RALGAPA1: variants seen among roughly 807,000 people sequenced by gnomAD.
The protein encoded by RALGAPA1 is ral GTPase-activating protein subunit alpha-1.
In RALGAPA1, 52 loss-of-function variants were observed where a neutral mutation model predicts 269.6. The observed-to-expected ratio is 0.19, with a 90% CI of 0.15 to 0.24. The LOEUF (loss-of-function observed/expected upper bound fraction) is 0.24. RALGAPA1 is among the 10% of genes least tolerant of loss of function. RALGAPA1 has a pLI of 1.00. For synonymous variants in RALGAPA1, 817 were observed against 1,008.3 expected (o/e 0.81, Z 3.60); for missense variants, 1,917 against 3,013.9 (o/e 0.64, Z 8.52).
intron 37 of RALGAPA1, among the ~76,000 whole-genome samples, chr14:35,577,429 A>ATT (rs2057648947): frequency 6.6e-6 from 1 of 152,134 alleles, no homozygotes; most frequent in East Asian, 1.9e-4. Context: ...CTCTTCTGCT[A>ATT]TTATATATAA....
intron 39 of RALGAPA1, among the ~76,000 whole-genome samples, chr14:35,559,462 C>T (rs1023301541): frequency 6.6e-6 from 1 of 151,788 alleles, no homozygotes; most frequent in African/African-American, 2.4e-5. Flanking sequence ...AGTGCACAGT[C>T]ATCACAAACT....
chr14:35,628,092 C>T, intron 33 of RALGAPA1, 141 bp from the exon 34 acceptor site: 1 of 989,188 alleles, frequency 1.0e-6, no homozygotes. Flanking sequence ...GTAATGATGG[C>T]AAAAAAGGAG....
At chr14:35,710,141 C>T (rs546317195) in intron 16 of RALGAPA1, among the ~76,000 whole-genome samples, 2 of 152,328 alleles carry the variant, frequency 1.3e-5, no homozygotes, top group Non-Finnish European at 2.9e-5. Context: ...AATATCCAAC[C>T]ACAGTACCAC....
chr14:35,690,068 C>A (rs1481753948), intron 17 of RALGAPA1, 65 bp from the exon 18 acceptor site: 3 of 1,170,804 alleles, frequency 2.6e-6, no homozygotes, highest in South Asian at 1.5e-5. Context: ...TTATTAATTT[C>A]AATAATGCTC....
rs766808908 is a variant in RALGAPA1, at chr14:35,748,657, G to A, written c.1179C>T (p.Asp393=). Residue 393 remains aspartate, a synonymous_variant, in exon 10 of 42, where the codon GAC becomes GAT. Transcript: ENST00000680220. ...AAAAAACTCTGCGAACTATTTCAAT[G>A]TCTGTGAGATGTTCTTCATCAATAC... ...LCSIDEEHLT[D]IEIVRRVFSS... is the part of the protein sequence containing the mutation. 8 of 1,612,316 alleles carry A rather than the reference G, an allele frequency of 5.0e-6. No individual in the cohort carries two copies. The highest frequency in any genetic ancestry group is 6.8e-6 in the Non-Finnish European group (8 of 1,179,424).
chr14:35,633,236 C>T (rs1440587299), intron 33 of RALGAPA1, among the ~76,000 whole-genome samples: 1 of 152,070 alleles, frequency 6.6e-6, no homozygotes, highest in East Asian at 1.9e-4. Flanking sequence ...CTTAAATGTG[C>T]AAAGGTCAAC....
intron 1 of RALGAPA1, among the ~76,000 whole-genome samples, chr14:35,777,666 G>A (rs868014505): frequency 1.1e-4 from 17 of 152,052 alleles, no homozygotes; most frequent in Non-Finnish European, 7.4e-5. Context: ...GGGTTCAAGC[G>A]ATTCTCCTGC....
chr14:35,566,279 G>A (rs1437948977), intron 39 of RALGAPA1, among the ~76,000 whole-genome samples: 1 of 152,148 alleles, frequency 6.6e-6, no homozygotes, highest in Non-Finnish European at 1.5e-5. Flanking sequence ...AATTCTGGCT[G>A]CTGGTATGAT....
chr14:35,726,284 C>T (rs959805703), intron 13 of RALGAPA1, among the ~76,000 whole-genome samples: 5 of 152,144 alleles, frequency 3.3e-5, no homozygotes, highest in Admixed American at 6.5e-5. Flanking sequence ...CATTTATTCA[C>T]GGAATAAAAA....
In RALGAPA1 at chr14:35,605,566, G is replaced by A. The variant is rs371580354; in HGVS notation, c.7053+20C>T. 1.0e-5 allele frequency: 16 copies of A among 1,558,110 alleles called. No homozygotes were observed. The highest frequency in any genetic ancestry group is 8.4e-5 in the African/African-American group (6 of 71,622). On this transcript the variant is annotated intron_variant, in intron 36 of 41. Transcript: ENST00000680220. ...TTATGCTTCCAAATATAAATATTTC[G>A]TATAATTTAAAAATAATACCTCCCA...
intron 1 of RALGAPA1, among the ~76,000 whole-genome samples, chr14:35,792,054 G>T (rs1021188619): frequency 1.3e-5 from 2 of 151,998 alleles, no homozygotes; most frequent in Non-Finnish European, 2.9e-5. Context: ...GAAAAGGGAG[G>T]CTAGGATCAG....
Position 35,689,814 on chromosome 14 carries a change from C to G in RALGAPA1, c.2597G>C (p.Ser866Thr), listed in dbSNP as rs770943320. The G allele has an allele frequency of 1.3e-6, 2 of 1,569,628 alleles. No individual in the cohort carries two copies. Among genetic ancestry groups the G allele is most frequent in the East Asian group, 2.4e-5 (1 of 41,876 alleles). The change falls in exon 18 of 42, where the codon AGT (serine) becomes ACT (threonine). Residue 866 changes from serine to threonine, a missense_variant. By Grantham distance (58) the Ser-to-Thr change is moderately conservative (BLOSUM62 1). Transcript: ENST00000680220. Reference protein sequence around the residue: ...RAKGAVPVIDSSSRHAPSLQS... With the variant: ...RAKGAVPVIDTSSRHAPSLQS... ...CAAGCTTGGTGCATGACGGGATGAA[C>G]TGTCAATGACAGGAACTGCACCTTT...
intron 16 of RALGAPA1, among the ~76,000 whole-genome samples, chr14:35,714,921 G>A (rs1162189708): frequency 6.6e-6 from 1 of 152,132 alleles, no homozygotes; most frequent in African/African-American, 2.4e-5. Flanking sequence ...ATGCTGTTCA[G>A]TCTTCCATTG....
chr14:35,695,758 T>G (rs567141939), intron 17 of RALGAPA1, among the ~76,000 whole-genome samples: 1 of 152,370 alleles, frequency 6.6e-6, no homozygotes, highest in African/African-American at 2.4e-5. Flanking sequence ...ACTAAAGTGT[T>G]ACTTTTGGCA....
chr14:35,561,251 A>AAAAAAAAAAAAAAT (rs1555356922), intron 39 of RALGAPA1, among the ~76,000 whole-genome samples: 1 of 130,266 alleles, frequency 7.7e-6, no homozygotes, highest in Non-Finnish European at 1.6e-5. Context: ...AAAAAAAAAA[A>AAAAAAAAAAAAAAT]ATACAGTAAC....
intron 1 of RALGAPA1, 106 bp from the exon 2 acceptor site, chr14:35,775,851 T>C (rs534129448): frequency 1.8e-6 from 2 of 1,100,482 alleles, no homozygotes; most frequent in Non-Finnish European, 2.4e-6. Context: ...GCTCCTAAAA[T>C]TCTATTCTAT....
Position 35,688,752 on chromosome 14 carries a change from G to C in RALGAPA1, c.3659C>G (p.Thr1220Ser), listed in dbSNP as rs753418092. The change falls in exon 18 of 42, where the codon ACT becomes AGT. Residue 1220 changes from threonine (T) to serine (S), a missense_variant. This residue lies in a region of RALGAPA1 where 615 missense variants were observed against 790.0 expected (regional missense o/e 0.78). Transcript: ENST00000680220. ...GVYRPLDTLG[T>S]ASVSSKTVKE... ...CACTGTTTTGCTGCTTACTGATGCA[G>C]TACCAAGTGTATCTAGAGGTCTGTA... 3 of 1,457,700 alleles carry C rather than the reference G, an allele frequency of 2.1e-6. No homozygotes were observed. 90.3% of individuals were successfully genotyped at this position (1,457,700 alleles called of 1,614,324 possible). A position where few individuals can be genotyped will look rare whatever the true frequency, so the allele number is the denominator to read the frequency against.
In RALGAPA1 at chr14:35,689,377, T is replaced by C; in HGVS notation, c.3034A>G (p.Asn1012Asp). 8.1e-7 allele frequency: 1 copy of C among 1,232,288 alleles called. No homozygotes were observed. Among genetic ancestry groups the C allele is most frequent in the Non-Finnish European group, 1.0e-6 (1 of 988,096 alleles). 76.3% of individuals were successfully genotyped at this position (1,232,288 alleles called of 1,614,324 possible). ...ATATTACTCATGAAGACAGCTGAGT[T>C]TGGTTCTTTCTGAAACTGTAGGTTT... is the stretch of plus-strand genomic sequence containing the variant. ...PENLQFQKEP[N>D]SAVFMSNIAP... is the part of the protein sequence containing the mutation. Residue 1012 changes from asparagine to aspartate, a missense_variant, in exon 18 of 42, where the codon AAC becomes GAC. Physicochemically the swap from Asn to Asp is conservative, Grantham distance 23. Coordinates refer to ENST00000680220, the MANE Select transcript of RALGAPA1 (RefSeq NM_001346249.2).
chr14:35,659,973 TACG>T (rs767650324), intron 27 of RALGAPA1, among the ~76,000 whole-genome samples: 11 of 152,002 alleles, frequency 7.2e-5, no homozygotes, highest in Non-Finnish European at 1.0e-4. Flanking sequence ...GCATGAAAAA[TACG>T]ACATCCTTTC....
Sources: allele counts gnomAD v4.1 joint callset (sites outside exome capture counted in the v4.1 genomes callset), GRCh38; gene constraint gnomAD v4.1.1; regional missense constraint gnomAD v4.1.1; transcripts MANE v1.5; gene names NCBI Gene and HGNC (gene_info 2026-07-23, HGNC 2026-07-21).